PRAME: variants seen among roughly 807,000 people sequenced by gnomAD.
PRAME encodes melanoma antigen preferentially expressed in tumors.
PRAME carries 21 observed loss-of-function variants against 32.1 expected under a neutral mutation model. The ratio of observed to expected loss-of-function variants is 0.65; its 90% CI spans 0.46 to 0.94. The LOEUF (loss-of-function observed/expected upper bound fraction) is 0.94. Among genes scored for constraint, PRAME ranks in the 40% least tolerant of loss-of-function variants. The pLI is 0.00. For missense variants in PRAME, 651 were observed against 622.3 expected (o/e 1.05, Z -0.49); for synonymous variants, 274 against 251.5 (o/e 1.09, Z -0.85).
chr22:22,548,968 A>C (rs1601790167), intron 5 of PRAME, among the ~76,000 whole-genome samples: 1 of 151,940 alleles, frequency 6.6e-6, no homozygotes, highest in South Asian at 2.1e-4. Context: ...GAAAGGCATC[A>C]GTGAATTTTA....
chr22:22,549,398 C>T (rs980598883), intron 5 of PRAME, among the ~76,000 whole-genome samples: 2 of 151,864 alleles, frequency 1.3e-5, no homozygotes, highest in Non-Finnish European at 2.9e-5. Context: ...CTTCAATGCC[C>T]TCCTTGCTTA....
intron 5 of PRAME, among the ~76,000 whole-genome samples, chr22:22,548,979 G>A (rs1197407886): frequency 1.3e-5 from 2 of 151,860 alleles, no homozygotes; most frequent in Admixed American, 1.3e-4. Context: ...GTGAATTTTA[G>A]TATTTGAAGA....
At chr22:22,550,742 C>T (rs780319455) in intron 4 of PRAME, 25 bp downstream of exon 4, 20 of 1,550,136 alleles carry the variant, frequency 1.3e-5, no homozygotes, top group Non-Finnish European at 1.6e-5. Context: ...CAGGGCCCCA[C>T]ACCAAGCTGC....
Position 22,548,334 on chromosome 22 carries a change from A to G in PRAME, c.1263T>C (p.Ser421=), listed in dbSNP as rs2229696. The change falls in exon 6 of 6, where the codon TCT becomes TCC. Residue 421 remains serine, a synonymous_variant. Coordinates refer to ENST00000405655, the MANE Select transcript of PRAME (RefSeq NM_206956.3). ...GGTGCTGCAGGAGACTCTGCAGGGC[A>G]GATATGGAGATGGAATTCCCGTAGA... ...LSFYGNSISI[S]ALQSLLQHLI... is the part of the protein sequence containing the mutation. 3.1e-3 allele frequency: 5,026 copies of G among 1,613,652 alleles called. 120 individuals are homozygous for G. The African/African-American group carries it at 0.056, about 18-fold the overall frequency.
At chr22:22,552,080 C>G (rs539231089) in intron 3 of PRAME, among the ~76,000 whole-genome samples, 2 of 142,860 alleles carry the variant, frequency 1.4e-5, no homozygotes, top group Non-Finnish European at 3.0e-5. Context: ...CCCAGGAGTT[C>G]AAGACCAGCC....
chr22:22,552,768 TAGA>T (rs1244874750), intron 3 of PRAME: 7 of 466,052 alleles, frequency 1.5e-5, no homozygotes, highest in Non-Finnish European at 3.1e-5. Context: ...GAGGTGACAG[TAGA>T]AGGAGGCAGT....
In PRAME at chr22:22,550,053, C is replaced by T; in HGVS notation, c.626G>A (p.Cys209Tyr). 1 of 1,613,918 alleles carries T rather than the reference C, an allele frequency of 6.2e-7. No homozygotes were observed. The highest frequency in any genetic ancestry group is 1.1e-5 in the South Asian group (1 of 91,070). Residue 209 changes from cysteine to tyrosine, a missense_variant, in exon 5 of 6, where the codon TGC becomes TAC. Cys to Tyr is a radical substitution (Grantham distance 194). Transcript: ENST00000405655. ...VKRKKNVLRL[C>Y]CKKLKIFAMP... is the part of the protein sequence containing the mutation. ...TGCAAAAATCTTCAGCTTCTTACAG[C>T]ACAGGCGTAGTACATTTTTCTTTCG...
intron 3 of PRAME, among the ~76,000 whole-genome samples, chr22:22,552,061 T>A (rs1390794401): frequency 1.3e-5 from 2 of 148,460 alleles, no homozygotes; most frequent in Non-Finnish European, 1.5e-5. Flanking sequence ...GGTGGGAGAA[T>A]GGTTTGAGCC....
In PRAME at chr22:22,557,532, G is replaced by A. The variant is rs2063003502; in HGVS notation, c.-78+13C>T. On this transcript the variant is annotated intron_variant, in intron 2 of 5. Transcript: ENST00000405655. Reference sequence around the variant, plus strand: ...CCCTGCGGGGAAGCGGAGGAATCAGGGCTCGAACTTACGTTTTTCCTCAGA... The same window carrying A: ...CCCTGCGGGGAAGCGGAGGAATCAGAGCTCGAACTTACGTTTTTCCTCAGA... 6.6e-6 allele frequency: 1 copy of A among 152,308 alleles called. No individual in the cohort carries two copies. The highest frequency in any genetic ancestry group is 2.4e-5 in the African/African-American group (1 of 41,290). The allele number at this position is 152,308 out of a possible 1,614,324, so 9.4% of individuals were successfully genotyped here.
chr22:22,551,151 T>C, intron 3 of PRAME, 62 bp from the exon 4 acceptor site: 1 of 1,452,044 alleles, frequency 6.9e-7, no homozygotes, highest in Non-Finnish European at 9.3e-7. Context: ...ACTCTATCTT[T>C]TCCTCACCCT....
In PRAME at chr22:22,548,671, G is replaced by A. The variant is rs776378195; in HGVS notation, c.954-28C>T. The A allele has an allele frequency of 7.2e-6, 11 of 1,524,998 alleles. No individual in the cohort carries two copies. The African/African-American group carries it at 1.2e-4, about 17-fold the overall frequency. 94.5% of individuals were successfully genotyped at this position (1,524,998 alleles called of 1,614,324 possible). A position where few individuals can be genotyped will look rare whatever the true frequency, so the allele number is the denominator to read the frequency against. ...GCAAATAGACAAAGCAGTTAGTGCT[G>A]GGGAATGGTGGTAGTGGGGTGGGGA... On this transcript the variant is annotated intron_variant, in intron 5 of 5. Transcript: ENST00000405655.
intron 4 of PRAME, 80 bp from the exon 5 acceptor site, chr22:22,550,414 G>C (rs1219957276): frequency 4.0e-6 from 6 of 1,512,650 alleles, no homozygotes; most frequent in Non-Finnish European, 4.4e-6. Flanking sequence ...CATAATGTAG[G>C]TAAGAACCAA....
At chr22:22,552,051 G>A (rs2062610083) in intron 3 of PRAME, among the ~76,000 whole-genome samples, 2 of 150,384 alleles carry the variant, frequency 1.3e-5, no homozygotes, top group African/African-American at 2.5e-5. Context: ...GGGAGGCCAG[G>A]GTGGGAGAAT....
chr22:22,548,091 C>G lies in PRAME; in HGVS notation c.1506G>C (p.Leu502=), dbSNP rs764130765. ...DRTFYDPEPI[L]CPCFMPN ...GCTAATTAGGCATGAAACAGGGGCA[C>G]AGGATGGGCTCCGGGTCATAGAAGG... Residue 502 remains leucine, a synonymous_variant, in exon 6 of 6, where the codon CTG becomes CTC. Coordinates refer to ENST00000405655, the MANE Select transcript of PRAME (RefSeq NM_206956.3). 2 of 1,611,684 alleles carry G rather than the reference C, an allele frequency of 1.2e-6. No individual in the cohort carries two copies. The highest frequency in any genetic ancestry group is 1.7e-6 in the Non-Finnish European group (2 of 1,178,574).
rs543218923 is a variant in PRAME at position 22,550,935 on chromosome 22, G to T, written c.176C>A (p.Ala59Glu). ...CTGGCTGTGTCTCCCGTCAAAGGCT[G>T]CCATGAAGAGTGGCGGGAAGAGCTC... ...PRELFPPLFM[A>E]AFDGRHSQTL... Residue 59 changes from alanine (A) to glutamate (E), a missense_variant, in exon 4 of 6, where the codon GCA (alanine) becomes GAA (glutamate). Ala to Glu is a moderately radical substitution (Grantham distance 107). Transcript: ENST00000405655. The T allele has an allele frequency of 2.5e-4, 411 of 1,613,852 alleles. 6 individuals carry two copies. In the South Asian group the frequency reaches 4.3e-3, roughly 17 times the overall value.
Position 22,550,339 on chromosome 22 carries a change from G to T in PRAME, c.345-5C>A. 1 of 1,609,406 alleles carries T rather than the reference G, an allele frequency of 6.2e-7. No individual in the cohort carries two copies. Among genetic ancestry groups the T allele is most frequent in the Non-Finnish European group, 8.5e-7 (1 of 1,178,732 alleles). ...AGCACTTGAAGTTTCCACCTCCTGTGGGGAAAAACAGGTAATTAGCTGAGA... is the reference window on the plus strand; with the variant it reads ...AGCACTTGAAGTTTCCACCTCCTGTTGGGAAAAACAGGTAATTAGCTGAGA... On this transcript the variant is annotated splice_polypyrimidine_tract_variant and splice_region_variant and intron_variant, in intron 4 of 5. Coordinates refer to ENST00000405655, the MANE Select transcript of PRAME (RefSeq NM_206956.3).
intron 3 of PRAME, chr22:22,555,952 T>G (rs918012363): frequency 2.2e-6 from 1 of 464,574 alleles, no homozygotes; most frequent in Admixed American, 2.4e-5. Flanking sequence ...AGGTTCTGAA[T>G]GTAATCGTGG....
intron 1 of PRAME, among the ~76,000 whole-genome samples, chr22:22,558,641 G>A (rs1203736795): frequency 1.3e-5 from 2 of 148,220 alleles, no homozygotes; most frequent in African/African-American, 2.5e-5. Flanking sequence ...GTGGGGGCAG[G>A]GTGGAAAAAG....
Position 22,550,787 on chromosome 22 carries a change from A to G in PRAME, c.324T>C (p.Leu108=). 1.3e-6 allele frequency: 2 copies of G among 1,591,912 alleles called. No individual in the cohort carries two copies. The highest frequency in any genetic ancestry group is 1.7e-6 in the Non-Finnish European group (2 of 1,165,428). Residue 108 remains leucine (L), a synonymous_variant, in exon 4 of 6, where the codon CTT becomes CTC. Transcript: ENST00000405655. ...KAVLDGLDVL[L]AQEVRPRRWK... is the part of the protein sequence containing the mutation. ...CTTACCTGGGGCGAACCTCCTGGGCAAGGAGCACATCAAGTCCATCAAGCA... is the reference window on the plus strand; with the variant it reads ...CTTACCTGGGGCGAACCTCCTGGGCGAGGAGCACATCAAGTCCATCAAGCA...
Sources: gnomAD v4.1 joint callset for allele counts (sites outside exome capture counted in the v4.1 genomes callset) on GRCh38, gnomAD v4.1.1 for gene constraint, MANE v1.5 for transcripts, NCBI Gene and HGNC (gene_info 2026-07-23, HGNC 2026-07-21) for gene names.